MAF: variants seen among roughly 807,000 people sequenced by gnomAD.
The protein encoded by MAF is MAF bZIP transcription factor.
Under a neutral mutation model 22.0 loss-of-function variants are expected in MAF, and 10 were observed. The observed-to-expected ratio is 0.45, with a 90% CI of 0.28 to 0.77. The LOEUF (loss-of-function observed/expected upper bound fraction) is 0.77. MAF is among the 30% of genes least tolerant of loss of function. The pLI is 0.12. For synonymous variants in MAF, 337 were observed against 255.8 expected, an observed-to-expected ratio of 1.32 and a Z score of -3.03; for missense variants, 544 against 548.4, an observed-to-expected ratio of 0.99 and a Z score of 0.08.
chr16:79,444,461 A>G, the MAF span, among the ~76,000 whole-genome samples: 1 of 152,206 alleles, frequency 6.6e-6, no homozygotes, highest in African/African-American at 2.4e-5. Flanking sequence ...GCCTTGGGCA[A>G]GTTCTTTTAC....
chr16:79,546,605 T>C, the MAF span, among the ~76,000 whole-genome samples: 2,544 of 152,266 alleles, frequency 0.017, 68 homozygotes, highest in African/African-American at 0.058. Context: ...AACTCATTCT[T>C]TGAAGAAGGA....
At chr16:79,384,451 G>GGA in the MAF span, among the ~76,000 whole-genome samples, 1 of 109,784 alleles carries the variant, frequency 9.1e-6, no homozygotes, top group Non-Finnish European at 1.8e-5. Flanking sequence ...GTCTCAAAAA[G>GGA]AAAAAAAAAA....
At chr16:79,453,781 A>T in the MAF span, among the ~76,000 whole-genome samples, 4 of 152,284 alleles carry the variant, frequency 2.6e-5, no homozygotes, top group East Asian at 7.7e-4. Context: ...GCCCATATTT[A>T]TTGGAGACTG....
At chr16:79,315,960 A>G in the MAF span, among the ~76,000 whole-genome samples, 1 of 152,216 alleles carries the variant, frequency 6.6e-6, no homozygotes, top group African/African-American at 2.4e-5. Context: ...AGTCCTCACA[A>G]TAGCACCTGC....
the MAF span, among the ~76,000 whole-genome samples, chr16:79,282,292 C>A: frequency 2.0e-5 from 3 of 152,088 alleles, no homozygotes; most frequent in Non-Finnish European, 4.4e-5. Context: ...ATTAAGGAAG[C>A]CACCCCAAGT....
chr16:79,323,058 G>A, the MAF span, among the ~76,000 whole-genome samples: 6 of 147,036 alleles, frequency 4.1e-5, no homozygotes, highest in South Asian at 1.3e-3. Flanking sequence ...GCTGGGGCAG[G>A]AGAATGGTGT....
the MAF span, among the ~76,000 whole-genome samples, chr16:79,278,945 G>A: frequency 1.7e-4 from 26 of 152,264 alleles, no homozygotes; most frequent in Non-Finnish European, 3.5e-4. Flanking sequence ...GTTGTAGGCT[G>A]GAGGAGGAGG....
chr16:79,230,110 T>C, the MAF span, among the ~76,000 whole-genome samples: 2 of 152,132 alleles, frequency 1.3e-5, no homozygotes, highest in Non-Finnish European at 2.9e-5. Flanking sequence ...TGTAAACACA[T>C]ACATGCTGAG....
At chr16:79,235,410 AT>A in the MAF span, among the ~76,000 whole-genome samples, 1 of 152,014 alleles carries the variant, frequency 6.6e-6, no homozygotes, top group African/African-American at 2.4e-5. Flanking sequence ...AAATAAAAAA[AT>A]ATTAGCTGGG....
the MAF span, among the ~76,000 whole-genome samples, chr16:79,329,193 C>T: frequency 3.9e-5 from 6 of 152,030 alleles, no homozygotes; most frequent in African/African-American, 1.5e-4. Flanking sequence ...ACCTTATTTC[C>T]CCCTCTCTGC....
chr16:79,576,403 G>A, the MAF span, among the ~76,000 whole-genome samples: 1,462 of 152,212 alleles, frequency 9.6e-3, 27 homozygotes, highest in African/African-American at 0.033. Context: ...CCCCACGGAG[G>A]GTCGTCATGC....
the MAF span, among the ~76,000 whole-genome samples, chr16:79,433,795 A>T: frequency 2.6e-5 from 4 of 152,158 alleles, no homozygotes; most frequent in African/African-American, 9.7e-5. Context: ...TGTTTTAAAA[A>T]TTGAGGAATT....
At chr16:79,385,214 C>T in the MAF span, among the ~76,000 whole-genome samples, 13 of 152,192 alleles carry the variant, frequency 8.5e-5, 1 homozygote, top group African/African-American at 2.4e-4. Context: ...TAATATACAG[C>T]CCAAATAAAT....
the MAF span, among the ~76,000 whole-genome samples, chr16:79,298,739 T>C: frequency 6.6e-6 from 1 of 152,324 alleles, no homozygotes; most frequent in East Asian, 1.9e-4. Flanking sequence ...GGGCTGAACT[T>C]GGGTGAAGCC....
chr16:79,214,245 GA>G, the MAF span, among the ~76,000 whole-genome samples: 1 of 152,094 alleles, frequency 6.6e-6, no homozygotes, highest in Non-Finnish European at 1.5e-5. Flanking sequence ...GAAACTCCAT[GA>G]AATTTGTCTG....
At chr16:79,520,343 C>T in the MAF span, among the ~76,000 whole-genome samples, 9 of 152,264 alleles carry the variant, frequency 5.9e-5, no homozygotes, top group South Asian at 2.1e-4. Context: ...TTCCCTACCA[C>T]GTACATTTCC....
intron 1 of MAF, chr16:79,596,831 G>A: frequency 9.5e-7 from 1 of 1,049,046 alleles, no homozygotes; most frequent in East Asian, 5.6e-5. Context: ...AAACTGTGCA[G>A]TAATGCCATT....
the MAF span, among the ~76,000 whole-genome samples, chr16:79,351,174 T>C: frequency 1.3e-5 from 2 of 152,186 alleles, no homozygotes; most frequent in African/African-American, 4.8e-5. Flanking sequence ...GTTTCTCTTT[T>C]TGCATTTGGA....
the MAF span, among the ~76,000 whole-genome samples, chr16:79,570,843 G>A: frequency 1.3e-5 from 2 of 152,206 alleles, no homozygotes; most frequent in Non-Finnish European, 2.9e-5. Flanking sequence ...CTGGGAATAT[G>A]TTCTGTGCGA....
Sources: allele counts gnomAD v4.1 joint callset (sites outside exome capture counted in the v4.1 genomes callset), GRCh38; gene constraint gnomAD v4.1.1; transcripts MANE v1.5; gene names NCBI Gene and HGNC (gene_info 2026-07-23, HGNC 2026-07-21).